Variants in KYNU observed in about 807,000 individuals in gnomAD.
KYNU encodes the protein kynureninase, also known as L-kynurenine hydrolase.
KYNU carries 54 observed loss-of-function variants against 59.2 expected under a neutral mutation model. The observed-to-expected ratio is 0.91, with a 90% CI of 0.73 to 1.14. The LOEUF is 1.14. Among genes scored for constraint, KYNU ranks in the 50% most tolerant of loss-of-function variants. The pLI, the probability that KYNU is intolerant of heterozygous loss-of-function variation, is 0.00. For synonymous variants in KYNU, 177 were observed against 192.0 expected (o/e 0.92, Z 0.65); for missense variants, 567 against 554.4 (o/e 1.02, Z -0.23).
At chr2:142,931,972 T>C (rs1298740267) in intron 4 of KYNU, among the ~76,000 whole-genome samples, 2 of 152,150 alleles carry the variant, frequency 1.3e-5, no homozygotes, top group African/African-American at 4.8e-5. Flanking sequence ...TTTACTTACC[T>C]GGAGAAAGTA....
intron 3 of KYNU, among the ~76,000 whole-genome samples, chr2:142,925,031 G>A (rs558176938): frequency 2.6e-5 from 4 of 152,216 alleles, no homozygotes; most frequent in African/African-American, 7.2e-5. Flanking sequence ...TTATTACCAC[G>A]GTGTCTACCA....
At chr2:143,030,695 A>G (rs1686714089) in intron 11 of KYNU, among the ~76,000 whole-genome samples, 1 of 151,950 alleles carries the variant, frequency 6.6e-6, no homozygotes, top group African/African-American at 2.4e-5. Context: ...AGGTCTTGCT[A>G]TGTTGTCCAA....
At chr2:142,900,178 C>T (rs1389045883) in intron 2 of KYNU, among the ~76,000 whole-genome samples, 2 of 152,202 alleles carry the variant, frequency 1.3e-5, no homozygotes, top group East Asian at 1.9e-4. Context: ...GGAACAATGG[C>T]AAGCCTTTAG....
intron 8 of KYNU, among the ~76,000 whole-genome samples, chr2:142,961,700 A>G (rs919770581): frequency 2.0e-5 from 3 of 152,092 alleles, no homozygotes; most frequent in South Asian, 2.1e-4. Context: ...TTTTGAAGTC[A>G]TGTCTCTTTG....
chr2:143,044,251 T>A lies in KYNU; in HGVS notation c.*2079T>A, dbSNP rs1356548820. 3 of 152,176 alleles carry A rather than the reference T, an allele frequency of 2.0e-5. No individual in the cohort carries two copies. The highest frequency in any genetic ancestry group is 7.2e-5 in the African/African-American group (3 of 41,432). The allele number at this position is 152,176 out of a possible 1,614,324, so 9.4% of individuals were successfully genotyped here. ...AGTCTATCATTGATGGCCATTTGAG[T>A]TGGTTCCAAGTCTTCGCTATTGTGA... On this transcript the variant is annotated 3_prime_UTR_variant, in exon 14 of 14. Transcript: ENST00000264170.
intron 10 of KYNU, among the ~76,000 whole-genome samples, chr2:143,013,298 C>CTGTGTGTGCGTGTGTGTGTG (rs140468059): frequency 6.7e-6 from 1 of 149,468 alleles, no homozygotes; most frequent in Non-Finnish European, 1.5e-5. Context: ...GTCTCTTTCT[C>CTGTGTGTGCGTGTGTGTGTG]TGTGTGTGTG....
At chr2:143,000,493 TG>T (rs1685680285) in intron 10 of KYNU, among the ~76,000 whole-genome samples, 1 of 152,240 alleles carries the variant, frequency 6.6e-6, no homozygotes. Flanking sequence ...ACATTTTATT[TG>T]TGAATCACAG....
At chr2:142,998,735 C>T (rs955954129) in intron 10 of KYNU, among the ~76,000 whole-genome samples, 1 of 151,992 alleles carries the variant, frequency 6.6e-6, no homozygotes. Flanking sequence ...TGTGACCAGG[C>T]GCAGAGGCTC....
At chr2:142,927,592 A>C in intron 3 of KYNU, 67 bp from the exon 4 acceptor site, 1 of 1,129,156 alleles carries the variant, frequency 8.9e-7, no homozygotes, top group East Asian at 2.4e-5. Context: ...GCTAAAGCTG[A>C]TATTTGAAAT....
At chr2:143,013,862 G>A (rs1039216108) in intron 10 of KYNU, among the ~76,000 whole-genome samples, 2 of 152,188 alleles carry the variant, frequency 1.3e-5, no homozygotes, top group Non-Finnish European at 2.9e-5. Flanking sequence ...AGATGTGCTT[G>A]TACCCTTTTG....
intron 11 of KYNU, among the ~76,000 whole-genome samples, chr2:143,031,943 G>A (rs1452796713): frequency 4.6e-5 from 7 of 152,034 alleles, no homozygotes; most frequent in Non-Finnish European, 8.8e-5. Flanking sequence ...ATGAGGTGAT[G>A]GGAGGTGAGA....
intron 10 of KYNU, 34 bp downstream of exon 10, chr2:142,986,055 G>T: frequency 1.4e-6 from 2 of 1,445,850 alleles, no homozygotes; most frequent in South Asian, 1.1e-5. Flanking sequence ...CTTTGGTGAT[G>T]AACAAATTAA....
At chr2:142,912,371 C>CTTTTTTTTTTTTTTTTTT (rs60854220) in intron 2 of KYNU, among the ~76,000 whole-genome samples, 1 of 89,512 alleles carries the variant, frequency 1.1e-5, no homozygotes, top group African/African-American at 4.5e-5. Flanking sequence ...TTTTGTATTT[C>CTTTTTTTTTTTTTTTTTT]TTTTTTTTTT....
intron 10 of KYNU, among the ~76,000 whole-genome samples, chr2:143,011,834 A>T (rs1374058938): frequency 7.7e-6 from 1 of 130,382 alleles, no homozygotes; most frequent in Admixed American, 7.8e-5. Flanking sequence ...AACACCGCAT[A>T]TTCTCACTCA....
chr2:142,940,965 A>G (rs1683579202), intron 4 of KYNU, among the ~76,000 whole-genome samples: 2 of 152,244 alleles, frequency 1.3e-5, no homozygotes, highest in South Asian at 4.1e-4. Flanking sequence ...TGCATAGGGC[A>G]TGGAAATGAG....
At chr2:143,028,600 C>T (rs2104911643) in intron 10 of KYNU, among the ~76,000 whole-genome samples, 1 of 150,188 alleles carries the variant, frequency 6.7e-6, no homozygotes, top group South Asian at 2.1e-4. Context: ...AATCCCAGCA[C>T]TTTGGGAGGC....
At chr2:143,036,428 AG>A (rs909438240) in intron 12 of KYNU, among the ~76,000 whole-genome samples, 7 of 152,146 alleles carry the variant, frequency 4.6e-5, no homozygotes, top group Admixed American at 3.3e-4. Context: ...GTAAAGGTAG[AG>A]GGTAACAAAG....
At chr2:142,892,454 T>C (rs1488508784) in intron 2 of KYNU, among the ~76,000 whole-genome samples, 1 of 152,224 alleles carries the variant, frequency 6.6e-6, no homozygotes, top group Non-Finnish European at 1.5e-5. Flanking sequence ...AGAATAGTTT[T>C]ACATGATCAA....
chr2:143,050,586 G>A lies in KYNU; in HGVS notation c.*8414G>A, dbSNP rs1183221888. On this transcript the variant is annotated 3_prime_UTR_variant, in exon 14 of 14. Transcript: ENST00000264170. ...GTCAATTCTTTTATAGTGATCTTCT[G>A]GGGCTATTACAATATATAGGGCTGT... The A allele has an allele frequency of 6.6e-6, 1 of 152,002 alleles. No individual in the cohort carries two copies. Among genetic ancestry groups the A allele is most frequent in the African/African-American group, 2.4e-5 (1 of 41,374 alleles). The allele number at this position is 152,002 out of a possible 1,614,324, so 9.4% of individuals were successfully genotyped here. A position where few individuals can be genotyped will look rare whatever the true frequency, so the allele number is the denominator to read the frequency against.
Sources: gnomAD v4.1 joint callset for allele counts (sites outside exome capture counted in the v4.1 genomes callset) on GRCh38, gnomAD v4.1.1 for gene constraint, MANE v1.5 for transcripts, NCBI Gene and HGNC (gene_info 2026-07-23, HGNC 2026-07-21) for gene names.